Variants in ASIP observed in about 807,000 individuals in gnomAD.
ASIP encodes the protein agouti signaling protein, also known as agouti-signaling protein.
In ASIP, 11 loss-of-function variants were observed where a neutral mutation model predicts 10.3. That is an observed-to-expected ratio of 1.07 (90% CI 0.68 to 1.78). ASIP has a LOEUF of 1.78. Ranked by LOEUF, ASIP falls within the 40% of genes most tolerant of loss-of-function variation. ASIP has a pLI of 0.00. For synonymous variants in ASIP, 70 were observed against 70.8 expected, an observed-to-expected ratio of 0.99 and a Z score of 0.06; for missense variants, 180 against 169.2, an observed-to-expected ratio of 1.06 and a Z score of -0.35.
intron 1 of ASIP, among the ~76,000 whole-genome samples, chr20:34,224,321 A>G (rs1444236857): frequency 6.6e-6 from 1 of 151,580 alleles, no homozygotes; most frequent in African/African-American, 2.4e-5. Context: ...GTCTGTGCAT[A>G]TGCCTTCTCT....
At chr20:34,260,264 CAG>C in intron 1 of ASIP, 99 bp from the exon 2 acceptor site, 1 of 1,242,506 alleles carries the variant, frequency 8.0e-7, no homozygotes. Context: ...ACTTGCCTAA[CAG>C]GGTCACAACA....
At chr20:34,221,838 A>T (rs913959365) in intron 1 of ASIP, among the ~76,000 whole-genome samples, 1 of 152,184 alleles carries the variant, frequency 6.6e-6, no homozygotes, top group Non-Finnish European at 1.5e-5. Context: ...GGCCAGCCAC[A>T]GTGGCTCACA....
At position 34,235,914 on chromosome 20, in the gene ASIP, G is replaced by GCGGGAGGGAGGGAA. The variant is rs1432636336; in HGVS notation, c.-10-24451_-10-24450insCGGGAGGGAGGGAA. 3.6e-4 allele frequency among the ~76,000 whole-genome samples: 46 copies of GCGGGAGGGAGGGAA among 127,696 alleles called. 7 individuals are homozygous for GCGGGAGGGAGGGAA. The highest frequency in any genetic ancestry group is 1.7e-3 in the African/African-American group (44 of 26,598). 83.8% of individuals were successfully genotyped at this position (127,696 alleles called of 152,430 possible). A position where few individuals can be genotyped will look rare whatever the true frequency, so the allele number is the denominator to read the frequency against. On this transcript the variant is annotated intron_variant, in intron 1 of 3. Coordinates refer to the ASIP transcript ENST00000568305. The stretch of plus-strand genomic sequence containing the variant: ...GGAAGGAAGGAAAGGAAGGAAGGAA[G>GCGGGAGGGAGGGAA]GAAGGAAGGAAGGAAGCGGGAGGGA...
intron 1 of ASIP, among the ~76,000 whole-genome samples, chr20:34,201,110 T>A (rs1342515201): frequency 6.6e-6 from 1 of 151,350 alleles, no homozygotes; most frequent in East Asian, 1.9e-4. Flanking sequence ...AAAAGTATAC[T>A]TCTAAGTTAG....
intron 1 of ASIP, among the ~76,000 whole-genome samples, chr20:34,233,821 A>G (rs550572761): frequency 1.9e-4 from 29 of 152,328 alleles, no homozygotes; most frequent in African/African-American, 7.0e-4. Context: ...CAGCAAAACC[A>G]TTACCTGAGA....
At chr20:34,265,330 C>T (rs1304084532) in intron 3 of ASIP, among the ~76,000 whole-genome samples, 8 of 151,808 alleles carry the variant, frequency 5.3e-5, no homozygotes, top group African/African-American at 1.9e-4. Flanking sequence ...CAAGACCAGC[C>T]TGAGCAACAT....
chr20:34,234,069 G>C (rs1382617931), intron 1 of ASIP, among the ~76,000 whole-genome samples: 1 of 152,176 alleles, frequency 6.6e-6, no homozygotes, highest in Non-Finnish European at 1.5e-5. Flanking sequence ...GTTGATGATG[G>C]TGTCACCATG....
chr20:34,252,866 C>T (rs1347774372), intron 1 of ASIP, among the ~76,000 whole-genome samples: 2 of 152,156 alleles, frequency 1.3e-5, no homozygotes, highest in African/African-American at 4.8e-5. Context: ...TGGAGAATGG[C>T]GATGACTTTT....
chr20:34,258,674 C>CATATATATATATATATATATAT (rs772655085), intron 1 of ASIP, among the ~76,000 whole-genome samples: 1,607 of 12,044 alleles, frequency 0.13, 421 homozygotes, highest in South Asian at 0.29. Flanking sequence ...AGGGGGATGC[C>CATATATATATATATATATATAT]ATATATATAT....
intron 1 of ASIP, among the ~76,000 whole-genome samples, chr20:34,232,871 T>C (rs545607059): frequency 1.3e-5 from 2 of 152,340 alleles, no homozygotes; most frequent in East Asian, 3.9e-4. Context: ...GGCAGCCTGA[T>C]GACAGTGTGC....
intron 1 of ASIP, among the ~76,000 whole-genome samples, chr20:34,204,680 T>C (rs1185691095): frequency 3.9e-5 from 6 of 152,254 alleles, no homozygotes; most frequent in African/African-American, 1.4e-4. Flanking sequence ...TTACTTTTTG[T>C]AGTTACTCTT....
intron 1 of ASIP, among the ~76,000 whole-genome samples, chr20:34,258,781 A>ATATATAGTGTATATATAATATATATAG (rs1568768993): frequency 1.4e-5 from 1 of 72,550 alleles, no homozygotes; most frequent in African/African-American, 9.8e-5. Context: ...TATATATAGT[A>ATATATAGTGTATATATAATATATATAG]TATATATAGT....
intron 1 of ASIP, among the ~76,000 whole-genome samples, chr20:34,199,928 G>A (rs535835736): frequency 6.6e-5 from 10 of 152,026 alleles, no homozygotes; most frequent in African/African-American, 2.2e-4. Context: ...TGTCACCCCC[G>A]TAAAGAACTG....
At chr20:34,217,554 C>A (rs534893079) in intron 1 of ASIP, among the ~76,000 whole-genome samples, 1 of 150,566 alleles carries the variant, frequency 6.6e-6, no homozygotes, top group South Asian at 2.2e-4. Flanking sequence ...CTACTGAAAG[C>A]TTATTTATGT....
At chr20:34,189,385 G>A in the ASIP span, among the ~76,000 whole-genome samples, 1 of 152,056 alleles carries the variant, frequency 6.6e-6, no homozygotes, top group Non-Finnish European at 1.5e-5. Context: ...TGGGATTATA[G>A]GCATGCACCA....
intron 1 of ASIP, among the ~76,000 whole-genome samples, chr20:34,209,359 C>G (rs1214920196): frequency 6.6e-6 from 1 of 152,254 alleles, no homozygotes; most frequent in East Asian, 1.9e-4. Flanking sequence ...ACGGGTGCAG[C>G]TACAGCTGCC....
At position 34,221,295 on chromosome 20, in the gene ASIP, G is replaced by A. The variant is rs553779862; in HGVS notation, c.-11+26535G>A. On this transcript the variant is annotated intron_variant, in intron 1 of 3. Transcript: ENST00000568305. ...GGGGAGGCTGAGGCAGGAGAATGGCGTGAACCTGGGAGGCGGAGCTTAAGG... is the reference window on the plus strand; with the variant it reads ...GGGGAGGCTGAGGCAGGAGAATGGCATGAACCTGGGAGGCGGAGCTTAAGG... 8.7e-4 allele frequency among the ~76,000 whole-genome samples: 132 copies of A among 151,954 alleles called. 1 individual carries two copies. Among genetic ancestry groups the A allele is most frequent in the South Asian group, 6.9e-3 (33 of 4,802 alleles).
intron 1 of ASIP, among the ~76,000 whole-genome samples, chr20:34,253,450 T>A (rs1360145734): frequency 2.2e-5 from 3 of 138,982 alleles, no homozygotes; most frequent in Non-Finnish European, 4.5e-5. Context: ...TATTTTATTT[T>A]ATTTATTTAT....
chr20:34,187,263 T>A, the ASIP span, among the ~76,000 whole-genome samples: 7 of 152,148 alleles, frequency 4.6e-5, no homozygotes, highest in African/African-American at 1.7e-4. Flanking sequence ...GGTTCTTTTT[T>A]TTGTATTTGG....
Sources: allele counts gnomAD v4.1 joint callset (sites outside exome capture counted in the v4.1 genomes callset), GRCh38; gene constraint gnomAD v4.1.1; transcripts MANE v1.5; gene names NCBI Gene and HGNC (gene_info 2026-07-23, HGNC 2026-07-21).